CCHCR1: variants seen among roughly 807,000 people sequenced by gnomAD.
The protein encoded by CCHCR1 is HCR (a-helix coiled-coil rod homologue).
In CCHCR1, 91 loss-of-function variants were observed where a neutral mutation model predicts 114.6. The ratio of observed to expected loss-of-function variants is 0.79; its 90% confidence interval spans 0.67 to 0.94. CCHCR1 has a LOEUF of 0.94. Among genes scored for constraint, CCHCR1 ranks in the 40% least tolerant of loss-of-function variants. CCHCR1 has a pLI of 0.00. For missense variants in CCHCR1, 899 were observed against 1,079.9 expected (o/e 0.83, Z 2.35); for synonymous variants, 379 against 428.5 (o/e 0.88, Z 1.43).
chr6:31,147,413 A>AT (rs1774506751), intron 10 of CCHCR1, among the ~76,000 whole-genome samples: 1 of 97,918 alleles, frequency 1.0e-5, no homozygotes, highest in South Asian at 2.7e-4. Flanking sequence ...AAAAAAAAAA[A>AT]AAAAAAAAAG....
rs1252803054 is a variant in CCHCR1 at position 31,143,420 on chromosome 6, A to C, written c.2168-7T>G. ...ATCTGGCGTAAGGAGACCACTACAG[A>C]GAGGCCAAGGCACAGAGGAGGCAGG... On this transcript the variant is annotated splice_polypyrimidine_tract_variant and splice_region_variant and intron_variant, in intron 15 of 17. Coordinates refer to ENST00000396268, the MANE Select transcript of CCHCR1 (RefSeq NM_001105564.2). This position sits in a 1 kb window ranked among gnomAD's most constrained non-coding sequence, Gnocchi z 5.3. 1 of 1,612,490 alleles carries C rather than the reference A, an allele frequency of 6.2e-7. No individual in the cohort carries two copies. The highest frequency in any genetic ancestry group is 1.7e-5 in the Admixed American group (1 of 59,992).
In CCHCR1 at chr6:31,150,609, G is replaced by A. The variant is rs144906270; in HGVS notation, c.1102-44C>T. ...AGCCCCTCTGTAGGGCCTCCATGCCGCCTTAGGTACCACCTTCTCTCCCGG... is the reference window on the plus strand; with the variant it reads ...AGCCCCTCTGTAGGGCCTCCATGCCACCTTAGGTACCACCTTCTCTCCCGG... On this transcript the variant is annotated intron_variant, in intron 6 of 17. Coordinates refer to ENST00000396268, the MANE Select transcript of CCHCR1 (RefSeq NM_001105564.2). This position sits in a 1 kb window ranked among gnomAD's most constrained non-coding sequence, Gnocchi z 5.3. 4,555 of 1,591,662 alleles carry A rather than the reference G, an allele frequency of 2.9e-3. 34 individuals carry two copies. The Middle Eastern group carries it at 0.037, about 13-fold the overall frequency.
chr6:31,144,783 G>A lies in CCHCR1; in HGVS notation c.2071C>T (p.Gln691Ter), dbSNP rs768650762. Residue 691 changes from glutamine to a stop codon, truncating the protein, a stop_gained, in exon 15 of 18, where the codon CAA becomes TAA. Transcript: ENST00000396268. LOFTEE classifies it high-confidence loss of function. The surrounding 1 kb of genome is among the most constrained non-coding windows in gnomAD (Gnocchi z 4.6). Reference sequence around the variant, plus strand: ...GTTTCCACTTCAGCCACCTTTTCTTGCAGGGCTGGGGTGAAAGTGCAGACG... The same window carrying A: ...GTTTCCACTTCAGCCACCTTTTCTTACAGGGCTGGGGTGAAAGTGCAGACG... ...QQQELYGQAL[Q>*]EKVAEVETRL... 2.0e-5 allele frequency: 32 copies of A among 1,613,688 alleles called. No individual in the cohort carries two copies. Among genetic ancestry groups the A allele is most frequent in the Non-Finnish European group, 2.5e-5 (29 of 1,179,848 alleles).
intron 8 of CCHCR1, 73 bp from the exon 9 acceptor site, chr6:31,148,801 C>T (rs1774744304): frequency 3.5e-6 from 2 of 563,816 alleles, no homozygotes; most frequent in African/African-American, 2.2e-5. Flanking sequence ...AGCAAAGTGG[C>T]AGGTGCAGAG....
At position 31,150,148 on chromosome 6, in the gene CCHCR1, C is replaced by T. The variant is rs201597024; in HGVS notation, c.1280G>A (p.Arg427Gln). 7.9e-5 allele frequency: 127 copies of T among 1,614,216 alleles called. No homozygotes were observed. Among genetic ancestry groups the T allele is most frequent in the Non-Finnish European group, 1.0e-4 (122 of 1,180,030 alleles). The change falls in exon 8 of 18, where the codon CGG becomes CAG. Residue 427 changes from arginine to glutamine, a missense_variant. Arg to Gln is a conservative substitution (Grantham distance 43). Coordinates refer to ENST00000396268, the MANE Select transcript of CCHCR1 (RefSeq NM_001105564.2). This position sits in a 1 kb window ranked among gnomAD's most constrained non-coding sequence, Gnocchi z 5.3. ...CACCATGAGGGCAAACACCTTCTCC[C>T]GCCAGCGGTTCAGCAGGGACTGGCA... ...RKCQSLLNRW[R>Q]EKVFALMVQL...
Position 31,150,106 on chromosome 6 carries a change from T to C in CCHCR1, c.1322A>G (p.Glu441Gly). The C allele has an allele frequency of 6.2e-7, 1 of 1,614,144 alleles. No homozygotes were observed. Among genetic ancestry groups the C allele is most frequent in the South Asian group, 1.1e-5 (1 of 91,086 alleles). Residue 441 changes from glutamate (E) to glycine (G), a missense_variant, in exon 8 of 18, where the codon GAG becomes GGG. Coordinates refer to ENST00000396268, the MANE Select transcript of CCHCR1 (RefSeq NM_001105564.2). The surrounding 1 kb of genome is among the most constrained non-coding windows in gnomAD (Gnocchi z 5.3). ...FALMVQLKAQ[E>G]LEHSDSVKQL... ...CTTAACAGAGTCACTGTGTTCCAGC[T>C]CCTGGGCCTTTAGCTGCACCATGAG...
intron 4 of CCHCR1, among the ~76,000 whole-genome samples, chr6:31,152,889 T>C (rs1041832550): frequency 6.6e-6 from 1 of 152,224 alleles, no homozygotes; most frequent in Non-Finnish European, 1.5e-5. Context: ...CCCAGCCTTC[T>C]GGCCTCCTGT....
At chr6:31,158,132 C>A (rs186622812), upstream of CCHCR1, 2 of 156,850 alleles carry the variant, frequency 1.3e-5, no homozygotes, top group African/African-American at 2.4e-5. Flanking sequence ...CAGCCCCTTC[C>A]CGCCCCCAAC....
At chr6:31,149,944 G>A (rs1774969483) in intron 8 of CCHCR1, 122 bp downstream of exon 8, 6 of 1,055,294 alleles carry the variant, frequency 5.7e-6, no homozygotes, top group Non-Finnish European at 8.5e-6. Context: ...TTTTAGTTTT[G>A]TTCAGGGCTG....
At position 31,143,278 on chromosome 6, in the gene CCHCR1, T is replaced by A. The variant is rs765167770; in HGVS notation, c.2303A>T (p.Asp768Val). 6.2e-7 allele frequency: 1 copy of A among 1,612,774 alleles called. No individual in the cohort carries two copies. Among genetic ancestry groups the A allele is most frequent in the Non-Finnish European group, 8.5e-7 (1 of 1,180,016 alleles). The change falls in exon 16 of 18, where the codon GAT becomes GTT. Residue 768 changes from aspartate (D) to valine (V), a missense_variant. Transcript: ENST00000396268. The surrounding 1 kb of genome is among the most constrained non-coding windows in gnomAD (Gnocchi z 5.3). Reference protein sequence around the residue: ...LARRLQELERDKNLMLATLQQ... With the variant: ...LARRLQELERVKNLMLATLQQ... ...GTCTCCTACCAGCATGAGGTTCTTA[T>A]CCCTCTCTAGCTCCTGCAAGCGCCG...
intron 3 of CCHCR1, among the ~76,000 whole-genome samples, chr6:31,155,242 G>C (rs1386964247): frequency 6.6e-6 from 1 of 152,156 alleles, no homozygotes; most frequent in Non-Finnish European, 1.5e-5. Context: ...CAAGAAGTTT[G>C]AGGGAGGAAT....
Position 31,143,391 on chromosome 6 carries a change from C to T in CCHCR1, c.2190G>A (p.Gln730=), listed in dbSNP as rs756636243. 1 of 1,612,986 alleles carries T rather than the reference C, an allele frequency of 6.2e-7. No homozygotes were observed. The highest frequency in any genetic ancestry group is 8.5e-7 in the Non-Finnish European group (1 of 1,180,026). ...GCTCCTTTTCCTGGGCGGCTCTGCG[C>T]TGAATCTGGCGTAAGGAGACCACTA... is the stretch of plus-strand genomic sequence containing the variant. ...AKAVVSLRQI[Q]RRAAQEKERS... The change falls in exon 16 of 18, where the codon CAG becomes CAA. Residue 730 remains glutamine, a synonymous_variant. Coordinates refer to ENST00000396268, the MANE Select transcript of CCHCR1 (RefSeq NM_001105564.2). This position sits in a 1 kb window ranked among gnomAD's most constrained non-coding sequence, Gnocchi z 5.3.
Position 31,143,520 on chromosome 6 carries a change from G to A in CCHCR1, c.2168-107C>T. Reference sequence around the variant, plus strand: ...CTGGGTCACCAACTCTGTGGCTTGGGGAGGCTGTTCTGCTCTGTGGATCTG... The same window carrying A: ...CTGGGTCACCAACTCTGTGGCTTGGAGAGGCTGTTCTGCTCTGTGGATCTG... On this transcript the variant is annotated intron_variant, in intron 15 of 17. Transcript: ENST00000396268. The surrounding 1 kb of genome is among the most constrained non-coding windows in gnomAD (Gnocchi z 5.3). The A allele has an allele frequency of 8.1e-7, 1 of 1,238,132 alleles. No homozygotes were observed. Among genetic ancestry groups the A allele is most frequent in the Non-Finnish European group, 1.1e-6 (1 of 886,846 alleles). The allele number at this position is 1,238,132 out of a possible 1,614,324, so 76.7% of individuals were successfully genotyped here.
In CCHCR1 at chr6:31,157,044, C is replaced by T; in HGVS notation, c.262G>A (p.Val88Met). 2 of 1,612,522 alleles carry T rather than the reference C, an allele frequency of 1.2e-6. No homozygotes were observed. The highest frequency in any genetic ancestry group is 1.7e-6 in the Non-Finnish European group (2 of 1,179,756). Residue 88 changes from valine (V) to methionine (M), a missense_variant, in exon 2 of 18, where the codon GTG becomes ATG. Physicochemically the swap from Val to Met is conservative, Grantham distance 21. Coordinates refer to ENST00000396268, the MANE Select transcript of CCHCR1 (RefSeq NM_001105564.2). ...TGACCTGAAGGTGGAAACATCTCCA[C>T]ATTATTTGAAGGCTCTAGATTCTGT... ...WRQNLEPSNN[V>M]EMFPPSGSTG...
chr6:31,150,628 C>T lies in CCHCR1; in HGVS notation c.1102-63G>A. 6.3e-7 allele frequency: 1 copy of T among 1,589,290 alleles called. No individual in the cohort carries two copies. Among genetic ancestry groups the T allele is most frequent in the Non-Finnish European group, 8.6e-7 (1 of 1,163,912 alleles). ...CATGCCGCCTTAGGTACCACCTTCT[C>T]TCCCGGAGGCTGTGCTCTACACGCT... On this transcript the variant is annotated intron_variant, in intron 6 of 17. Transcript: ENST00000396268. The surrounding 1 kb of genome is among the most constrained non-coding windows in gnomAD (Gnocchi z 5.3).
intron 10 of CCHCR1, among the ~76,000 whole-genome samples, chr6:31,146,116 C>T (rs189502181): frequency 9.9e-5 from 15 of 152,244 alleles, no homozygotes; most frequent in Admixed American, 9.2e-4. Context: ...GAGGCCGAGG[C>T]GGGCGGATCA....
In CCHCR1 at chr6:31,145,369, A is replaced by C. The variant is rs899209552; in HGVS notation, c.1740-67T>G. The C allele has an allele frequency of 7.4e-6, 12 of 1,611,508 alleles. No individual in the cohort carries two copies. The African/African-American group carries it at 1.5e-4, about 20-fold the overall frequency. ...TGCCTGATCCCAAAGCCCCCATCCCACCTCAGTCCTCATGGTTTTGGGGGT... is the reference window on the plus strand; with the variant it reads ...TGCCTGATCCCAAAGCCCCCATCCCCCCTCAGTCCTCATGGTTTTGGGGGT... On this transcript the variant is annotated intron_variant, in intron 12 of 17. Coordinates refer to ENST00000396268, the MANE Select transcript of CCHCR1 (RefSeq NM_001105564.2).
rs972317539 is a variant in CCHCR1, at chr6:31,157,766, C to T, written c.-166G>A. On this transcript the variant is annotated 5_prime_UTR_variant, in exon 1 of 18. Transcript: ENST00000396268. ...TGCCTGCTGCCCGCCTCCTCTTTCT[C>T]GAGTCCTAACACATAGTGGGCACTT... 2.0e-5 allele frequency: 12 copies of T among 615,236 alleles called. No homozygotes were observed. In the East Asian group the frequency reaches 3.3e-4, roughly 17 times the overall value. 38.1% of individuals were successfully genotyped at this position (615,236 alleles called of 1,614,324 possible). A position where few individuals can be genotyped will look rare whatever the true frequency, so the allele number is the denominator to read the frequency against.
rs145071290 is a variant in CCHCR1 at position 31,145,948 on chromosome 6, G to C, written c.1581-140C>G. 1,101 of 614,404 alleles carry C rather than the reference G, an allele frequency of 1.8e-3. 8 individuals are homozygous for C. The highest frequency in any genetic ancestry group is 0.012 in the Middle Eastern group (48 of 3,930). 38.1% of individuals were successfully genotyped at this position (614,404 alleles called of 1,614,324 possible). A position where few individuals can be genotyped will look rare whatever the true frequency, so the allele number is the denominator to read the frequency against. On this transcript the variant is annotated intron_variant, in intron 10 of 17. Coordinates refer to ENST00000396268, the MANE Select transcript of CCHCR1 (RefSeq NM_001105564.2). Reference sequence around the variant, plus strand: ...CACAGCTTCCGTCAATTATCTAAAGGACCCTTGCCCCAAGAATGCATTAAA... The same window carrying C: ...CACAGCTTCCGTCAATTATCTAAAGCACCCTTGCCCCAAGAATGCATTAAA...
Sources: gnomAD v4.1 joint callset for allele counts (sites outside exome capture counted in the v4.1 genomes callset) on GRCh38, gnomAD v4.1.1 for gene constraint, Gnocchi (gnomAD v3.1) non-coding constraint, MANE v1.5 for transcripts, NCBI Gene and HGNC (gene_info 2026-07-23, HGNC 2026-07-21) for gene names.